The following TMEM67 variants were observed in gnomAD, a reference collection of about 807,000 sequenced individuals.
The protein encoded by TMEM67 is meckelin.
A neutral mutation model predicts 136.6 loss-of-function variants in TMEM67; 124 were observed. The ratio of observed to expected loss-of-function variants is 0.91; its 90% CI spans 0.78 to 1.05. The LOEUF (loss-of-function observed/expected upper bound fraction) is 1.05. Ranked by LOEUF, TMEM67 falls within the 50% of genes least tolerant of loss-of-function variation. The probability of loss-of-function intolerance (pLI) is 0.00; values close to 1 mark genes in which losing one functional copy is unlikely to be tolerated. For missense variants in TMEM67, 1,107 were observed against 1,178.4 expected, an observed-to-expected ratio of 0.94 and a Z score of 0.89; for synonymous variants, 364 against 390.5, an observed-to-expected ratio of 0.93 and a Z score of 0.80.
chr8:93,805,172 A>T (rs1815083680), intron 23 of TMEM67, among the ~76,000 whole-genome samples: 1 of 152,086 alleles, frequency 6.6e-6, no homozygotes, highest in Non-Finnish European at 1.5e-5. Context: ...AGGTTTCACC[A>T]TGTTGGCCAG....
At chr8:93,763,802 A>G (rs761685666) in intron 3 of TMEM67, 40 bp from the exon 4 acceptor site, 3 of 1,327,408 alleles carry the variant, frequency 2.3e-6, no homozygotes, top group African/African-American at 2.9e-5. Flanking sequence ...TTATATGTTT[A>G]CTATGAGTTA....
At chr8:93,830,631 C>G in the TMEM67 span, among the ~76,000 whole-genome samples, 1 of 152,200 alleles carries the variant, frequency 6.6e-6, no homozygotes, top group Non-Finnish European at 1.5e-5. Context: ...CATTTGATCA[C>G]AGAAATCTTG....
intron 27 of TMEM67, among the ~76,000 whole-genome samples, 169 bp downstream of exon 27, chr8:93,815,616 G>A (rs892895826): frequency 5.9e-5 from 9 of 152,164 alleles, no homozygotes; most frequent in Non-Finnish European, 1.3e-4. Flanking sequence ...TCAACCAACT[G>A]TACTCTGTCC....
At chr8:93,763,654 G>A (rs1379739087) in intron 3 of TMEM67, among the ~76,000 whole-genome samples, 188 bp from the exon 4 acceptor site, 5 of 152,096 alleles carry the variant, frequency 3.3e-5, no homozygotes, top group South Asian at 2.1e-4. Flanking sequence ...AGGCATGGAC[G>A]GGTACGAAGG....
intron 25 of TMEM67, 108 bp from the exon 26 acceptor site, chr8:93,809,677 C>T (rs1223264912): frequency 1.4e-6 from 1 of 695,990 alleles, no homozygotes; most frequent in Non-Finnish European, 2.5e-6. Flanking sequence ...AACAGATTTT[C>T]TTTATATACT....
At chr8:93,788,070 T>C (rs1300769216) in intron 14 of TMEM67, 121 bp downstream of exon 14, 2 of 732,880 alleles carry the variant, frequency 2.7e-6, no homozygotes, top group Admixed American at 4.6e-5. Flanking sequence ...AACCTTTCTC[T>C]ACATATAGTC....
chr8:93,772,458 A>G (rs1206262222), intron 6 of TMEM67, 131 bp from the exon 7 acceptor site: 15 of 686,208 alleles, frequency 2.2e-5, no homozygotes, highest in Non-Finnish European at 3.8e-5. Context: ...GGTTAAAATC[A>G]ATTCTTGTAT....
intron 3 of TMEM67, 163 bp downstream of exon 3, chr8:93,758,739 A>G (rs1812690495): frequency 1.6e-6 from 1 of 633,498 alleles, no homozygotes; most frequent in African/African-American, 1.8e-5. Flanking sequence ...CTGGGACTGC[A>G]CACATAACAC....
intron 15 of TMEM67, among the ~76,000 whole-genome samples, chr8:93,792,280 C>A (rs1446277674): frequency 4.0e-5 from 6 of 151,700 alleles, no homozygotes; most frequent in Non-Finnish European, 8.8e-5. Flanking sequence ...TAAGCAATTC[C>A]CCTGCCTCAG....
chr8:93,800,487 G>A (rs557666778), intron 21 of TMEM67, among the ~76,000 whole-genome samples: 2 of 152,180 alleles, frequency 1.3e-5, no homozygotes, highest in South Asian at 4.2e-4. Flanking sequence ...TATACTTGGG[G>A]GTTCTGGACT....
In TMEM67 at chr8:93,816,372, A is replaced by AT; in HGVS notation, c.2913dup (p.Arg972Ter). On this transcript the variant is annotated frameshift_variant and splice_region_variant, in exon 28 of 28. Transcript: ENST00000453321. LOFTEE classifies it high-confidence loss of function. ...ATTCTGAATTGTTTTAATTTTCCAGATTTTTAGATATATCCGTAATACAGT... is the reference window on the plus strand; with the variant it reads ...ATTCTGAATTGTTTTAATTTTCCAGATTTTTTAGATATATCCGTAATACAGT... 1 of 1,489,136 alleles carries AT rather than the reference A, an allele frequency of 6.7e-7. No individual in the cohort carries two copies. The highest frequency in any genetic ancestry group is 9.3e-7 in the Non-Finnish European group (1 of 1,080,244). The allele number at this position is 1,489,136 out of a possible 1,614,324, so 92.2% of individuals were successfully genotyped here.
chr8:93,784,878 C>T lies in TMEM67; in HGVS notation c.1132-344C>T, dbSNP rs1448519470. Among the ~76,000 whole-genome samples the T allele has an allele frequency of 7.2e-5, 11 of 152,272 alleles. No homozygotes were observed. The East Asian group carries it at 1.9e-3, about 27-fold the overall frequency. On this transcript the variant is annotated intron_variant, in intron 11 of 27. Coordinates refer to ENST00000453321, the MANE Select transcript of TMEM67 (RefSeq NM_153704.6). ...AAAATTGGGAATTTATCCCGTAGGA[C>T]AGTAGTTTTAAACCTTTTCACTGAT...
In TMEM67 at chr8:93,754,939, G is replaced by A. The variant is rs199961375; in HGVS notation, c.25G>A (p.Val9Met). 3.5e-4 allele frequency: 559 copies of A among 1,614,042 alleles called. No individual in the cohort carries two copies. In the African/African-American group the frequency reaches 6.9e-3, roughly 20 times the overall value. Residue 9 changes from valine to methionine, a missense_variant, in exon 1 of 28, where the codon GTG becomes ATG. Around this residue, in one of 3 missense-constraint regions of TMEM67, gnomAD observed 178 missense variants for 159.2 expected, o/e 1.12. Transcript: ENST00000453321. Reference protein sequence around the residue: MATRGGAGVAMAVWSLLSA... With the variant: MATRGGAGMAMAVWSLLSA... Reference sequence around the variant, plus strand: ...CATGGCGACGCGCGGTGGGGCTGGGGTGGCAATGGCGGTTTGGTCCCTCTT... The same window carrying A: ...CATGGCGACGCGCGGTGGGGCTGGGATGGCAATGGCGGTTTGGTCCCTCTT...
At position 93,761,235 on chromosome 8, in the gene TMEM67, G is replaced by A. The variant is rs189940816; in HGVS notation, c.407-2607G>A. ...ATTGCTTGAACCCAAGGAGGTGGAG[G>A]TTACAGTGAGCCAAGATCACGCCAT... is the stretch of plus-strand genomic sequence containing the variant. On this transcript the variant is annotated intron_variant, in intron 3 of 27. Transcript: ENST00000453321. Among the ~76,000 whole-genome samples the A allele has an allele frequency of 3.7e-3, 559 of 152,264 alleles. 6 individuals carry two copies. Among genetic ancestry groups the A allele is most frequent in the African/African-American group, 0.013 (541 of 41,542 alleles).
downstream of TMEM67, among the ~76,000 whole-genome samples, chr8:93,822,246 T>C (rs1224222822): frequency 1.3e-5 from 2 of 152,210 alleles, no homozygotes; most frequent in Non-Finnish European, 2.9e-5. Context: ...TGAAAAGTGC[T>C]CAACCTTGTT....
At position 93,754,970 on chromosome 8, in the gene TMEM67, C is replaced by A; in HGVS notation, c.56C>A (p.Ala19Asp). 2.5e-6 allele frequency: 4 copies of A among 1,614,196 alleles called. No homozygotes were observed. Among genetic ancestry groups the A allele is most frequent in the African/African-American group, 1.3e-5 (1 of 75,052 alleles). ...ATGGCGGTTTGGTCCCTCTTATCCGCCCGGGCCGTGACCGCGTTCCTTCTG... is the reference window on the plus strand; with the variant it reads ...ATGGCGGTTTGGTCCCTCTTATCCGACCGGGCCGTGACCGCGTTCCTTCTG... Reference protein sequence around the residue: ...VAMAVWSLLSARAVTAFLLLF... With the variant: ...VAMAVWSLLSDRAVTAFLLLF... Residue 19 changes from alanine (A) to aspartate (D), a missense_variant, in exon 1 of 28, where the codon GCC (alanine) becomes GAC (aspartate). By Grantham distance (126) the Ala-to-Asp change is moderately radical. Transcript: ENST00000453321.
At chr8:93,792,773 CT>C (rs11379711) in intron 15 of TMEM67, among the ~76,000 whole-genome samples, 3,562 of 136,062 alleles carry the variant, frequency 0.026, 112 homozygotes, top group African/African-American at 0.086. Context: ...TGTGTCCTTT[CT>C]TTTTTTTTTT....
chr8:93,776,239 A>G (rs1311118973), intron 7 of TMEM67, among the ~76,000 whole-genome samples: 2 of 152,166 alleles, frequency 1.3e-5, no homozygotes, highest in Non-Finnish European at 2.9e-5. Context: ...TATCAGCTTA[A>G]GGAGATTTGG....
At chr8:93,766,733 A>AG (rs1813098870) in intron 6 of TMEM67, among the ~76,000 whole-genome samples, 1 of 152,122 alleles carries the variant, frequency 6.6e-6, no homozygotes. Flanking sequence ...AGCAATGATG[A>AG]GGGTGGGATC....
Sources: gnomAD v4.1 joint callset for allele counts (sites outside exome capture counted in the v4.1 genomes callset) on GRCh38, gnomAD v4.1.1 for gene constraint, gnomAD v4.1.1 regional missense constraint, MANE v1.5 for transcripts, NCBI Gene and HGNC (gene_info 2026-07-23, HGNC 2026-07-21) for gene names.